The following PPP4R2 variants were observed in gnomAD, a reference collection of about 807,000 sequenced individuals.
The protein encoded by PPP4R2 is protein phosphatase 4 regulatory subunit 2.
Under a neutral mutation model 47.2 loss-of-function variants are expected in PPP4R2, and 13 were observed. That is an observed-to-expected ratio of 0.28 (90% CI 0.18 to 0.44). The LOEUF (loss-of-function observed/expected upper bound fraction) is 0.44, where lower values mean the gene tolerates loss of function less well. PPP4R2 is among the 20% of genes least tolerant of loss of function. The pLI is 1.00. For missense variants in PPP4R2, 421 were observed against 491.2 expected (o/e 0.86, Z 1.35); for synonymous variants, 151 against 163.3 (o/e 0.92, Z 0.57).
intron 2 of PPP4R2, among the ~76,000 whole-genome samples, chr3:73,035,859 G>A (rs1039619482): frequency 5.3e-5 from 8 of 151,902 alleles, no homozygotes; most frequent in African/African-American, 1.9e-4. Flanking sequence ...CTCCTGATCC[G>A]CCCACCTCTG....
chr3:73,021,240 TTTTTTTTTTTG>T lies in PPP4R2; in HGVS notation c.116+23084_116+23094del, dbSNP rs922966307. Among the ~76,000 whole-genome samples the T allele has an allele frequency of 1.3e-4, 15 of 115,408 alleles. No individual in the cohort carries two copies. The East Asian group carries it at 1.4e-3, about 11-fold the overall frequency. The allele number at this position is 115,408 out of a possible 152,430, so 75.7% of individuals were successfully genotyped here. On this transcript the variant is annotated intron_variant, in intron 2 of 8. Coordinates refer to ENST00000356692, the MANE Select transcript of PPP4R2 (RefSeq NM_174907.4). Reference sequence around the variant, plus strand: ...TTATTTCATTAAAAAAAAATTTTTTTTTTTTTTTTTGTAACAGGATCTTACTGTTTCACCCA... The same window carrying T: ...TTATTTCATTAAAAAAAAATTTTTTTTAACAGGATCTTACTGTTTCACCCA...
intron 2 of PPP4R2, among the ~76,000 whole-genome samples, chr3:73,019,328 A>G (rs1701913064): frequency 6.6e-6 from 1 of 152,192 alleles, no homozygotes; most frequent in Non-Finnish European, 1.5e-5. Context: ...ATCACTGTAG[A>G]TGAAAAACAG....
chr3:73,043,013 C>G (rs1198505827), intron 2 of PPP4R2, among the ~76,000 whole-genome samples: 1 of 152,114 alleles, frequency 6.6e-6, no homozygotes, highest in African/African-American at 2.4e-5. Context: ...GGACCGCAAA[C>G]ATGTCATGTC....
intron 2 of PPP4R2, among the ~76,000 whole-genome samples, chr3:73,010,158 T>C (rs972274887): frequency 2.0e-5 from 3 of 152,218 alleles, no homozygotes; most frequent in African/African-American, 4.8e-5. Context: ...TTTTTTAAAA[T>C]GTGGCATGGA....
chr3:73,018,264 G>A (rs1701881465), intron 2 of PPP4R2, among the ~76,000 whole-genome samples: 1 of 152,078 alleles, frequency 6.6e-6, no homozygotes, highest in Non-Finnish European at 1.5e-5. Flanking sequence ...TGTGAAACCT[G>A]CCTACACAAT....
At chr3:73,051,738 G>A (rs1274179163) in intron 3 of PPP4R2, among the ~76,000 whole-genome samples, 1 of 152,052 alleles carries the variant, frequency 6.6e-6, no homozygotes, top group African/African-American at 2.4e-5. Flanking sequence ...CCATTCTCCT[G>A]CCTCAGCCTC....
intron 2 of PPP4R2, among the ~76,000 whole-genome samples, chr3:73,006,330 C>A (rs1432107356): frequency 4.0e-5 from 6 of 151,580 alleles, no homozygotes; most frequent in African/African-American, 1.2e-4. Context: ...TCCCTGGTAG[C>A]TGGGGCCACA....
chr3:73,006,615 C>T (rs1053923827), intron 2 of PPP4R2, among the ~76,000 whole-genome samples: 1 of 152,056 alleles, frequency 6.6e-6, no homozygotes, highest in African/African-American at 2.4e-5. Flanking sequence ...TGAACCTTGT[C>T]TTCATTTCTC....
chr3:72,999,277 C>T (rs1701412410), intron 2 of PPP4R2, among the ~76,000 whole-genome samples: 1 of 152,110 alleles, frequency 6.6e-6, no homozygotes, highest in South Asian at 2.1e-4. Context: ...TTTACCTTCG[C>T]ATTAGGGTTT....
intron 5 of PPP4R2, chr3:73,061,807 C>G (rs2231921): frequency 2.9e-6 from 1 of 350,454 alleles, no homozygotes; most frequent in Non-Finnish European, 5.2e-6. Flanking sequence ...TAGTGATCCT[C>G]CCGCCTTGGC....
intron 2 of PPP4R2, among the ~76,000 whole-genome samples, chr3:73,001,246 T>C (rs1219048486): frequency 3.3e-5 from 5 of 152,042 alleles, no homozygotes; most frequent in Non-Finnish European, 7.4e-5. Flanking sequence ...TTTTTTTTTG[T>C]TTAGGTAAAA....
chr3:73,048,838 A>C (rs764666827), intron 3 of PPP4R2, among the ~76,000 whole-genome samples: 1 of 152,220 alleles, frequency 6.6e-6, no homozygotes, highest in Non-Finnish European at 1.5e-5. Context: ...GCTTTATATC[A>C]TATTCCACTG....
intron 2 of PPP4R2, among the ~76,000 whole-genome samples, chr3:73,000,217 C>T (rs923015647): frequency 4.6e-5 from 7 of 152,058 alleles, no homozygotes; most frequent in African/African-American, 1.7e-4. Context: ...GCCTATAGTC[C>T]CAGCTTCTCC....
intron 5 of PPP4R2, chr3:73,062,957 G>C: frequency 7.0e-7 from 1 of 1,438,204 alleles, no homozygotes; most frequent in Non-Finnish European, 9.6e-7. Context: ...TTCTAGATCA[G>C]TGCATGGATG....
intron 2 of PPP4R2, among the ~76,000 whole-genome samples, chr3:73,031,966 C>A (rs1325034341): frequency 6.6e-6 from 1 of 152,222 alleles, no homozygotes. Flanking sequence ...ATATTATTAT[C>A]CCTGTTTCAC....
In PPP4R2 at chr3:73,061,032, G is replaced by A. The variant is rs1702847265; in HGVS notation, c.391G>A (p.Val131Ile). The A allele has an allele frequency of 6.4e-7, 1 of 1,553,242 alleles. No individual in the cohort carries two copies. Among genetic ancestry groups the A allele is most frequent in the Non-Finnish European group, 8.7e-7 (1 of 1,144,218 alleles). ...FLRGVEKNVM[V>I]VSCVYPSSEK... is the part of the protein sequence containing the mutation. ...ATTTTTGTTATTGCAGAATGTGATG[G>A]TTGTTAGCTGTGTTTATCCTTCTTC... Residue 131 changes from valine to isoleucine, a missense_variant, in exon 5 of 9, where the codon GTT (valine) becomes ATT (isoleucine). Coordinates refer to ENST00000356692, the MANE Select transcript of PPP4R2 (RefSeq NM_174907.4).
intron 6 of PPP4R2, 104 bp downstream of exon 6, chr3:73,063,851 G>A (rs1702926553): frequency 9.1e-7 from 1 of 1,095,716 alleles, no homozygotes. Flanking sequence ...GGACACCATA[G>A]GATGAACTAC....
intron 2 of PPP4R2, among the ~76,000 whole-genome samples, chr3:73,013,477 A>G (rs1238557583): frequency 8.3e-6 from 1 of 120,730 alleles, no homozygotes; most frequent in East Asian, 2.2e-4. Flanking sequence ...GTCTCATTTT[A>G]CAAAAATGTA....
chr3:73,022,790 C>G (rs200039616), intron 2 of PPP4R2, among the ~76,000 whole-genome samples: 1 of 140,220 alleles, frequency 7.1e-6, no homozygotes, highest in Non-Finnish European at 1.5e-5. Context: ...TTTTTTTAAA[C>G]AATGCAGTCT....
Sources: gnomAD v4.1 joint callset for allele counts (sites outside exome capture counted in the v4.1 genomes callset) on GRCh38, gnomAD v4.1.1 for gene constraint, MANE v1.5 for transcripts, NCBI Gene and HGNC (gene_info 2026-07-23, HGNC 2026-07-21) for gene names.